MCU: variants seen among roughly 807,000 people sequenced by gnomAD.
The protein encoded by MCU is mitochondrial calcium uniporter.
A neutral mutation model predicts 45.2 loss-of-function variants in MCU; 12 were observed. That is an observed-to-expected ratio of 0.27 (90% CI 0.17 to 0.43). The LOEUF (loss-of-function observed/expected upper bound fraction) is 0.43, where lower values mean the gene tolerates loss of function less well. Among genes scored for constraint, MCU ranks in the 20% least tolerant of loss-of-function variants. The pLI is 1.00. For synonymous variants in MCU, 160 were observed against 165.1 expected (o/e 0.97, Z 0.24); for missense variants, 324 against 436.7 (o/e 0.74, Z 2.30).
chr10:72,716,477 A>G (rs765922479), intron 1 of MCU, among the ~76,000 whole-genome samples: 4 of 152,070 alleles, frequency 2.6e-5, no homozygotes, highest in African/African-American at 7.2e-5. Flanking sequence ...TCTTTCATTC[A>G]TTTATTCTCT....
intron 5 of MCU, among the ~76,000 whole-genome samples, 173 bp from the exon 6 acceptor site, chr10:72,871,204 A>C (rs1845537637): frequency 6.6e-6 from 1 of 152,196 alleles, no homozygotes; most frequent in South Asian, 2.1e-4. Context: ...CTGGCCTAAG[A>C]TATTTTATTC....
chr10:72,750,835 A>G (rs1843483649), intron 1 of MCU, among the ~76,000 whole-genome samples: 1 of 152,088 alleles, frequency 6.6e-6, no homozygotes, highest in Non-Finnish European at 1.5e-5. Flanking sequence ...TTCTGTTTCT[A>G]TACTTTTGCC....
intron 1 of MCU, among the ~76,000 whole-genome samples, chr10:72,732,117 A>T (rs991933050): frequency 3.3e-5 from 5 of 152,056 alleles, no homozygotes; most frequent in African/African-American, 1.2e-4. Flanking sequence ...GCACTTGTTC[A>T]TGTCTTTTTT....
At chr10:72,799,816 G>A (rs1764844167) in intron 1 of MCU, among the ~76,000 whole-genome samples, 1 of 151,566 alleles carries the variant, frequency 6.6e-6, no homozygotes. Flanking sequence ...CTTATTTTAC[G>A]AATTACCTAT....
At chr10:72,717,484 C>T (rs1435136433) in intron 1 of MCU, among the ~76,000 whole-genome samples, 1 of 152,086 alleles carries the variant, frequency 6.6e-6, no homozygotes, top group Admixed American at 6.6e-5. Context: ...GTCTCAAACT[C>T]CTGACCTCAG....
chr10:72,812,772 T>C (rs1844565052), intron 1 of MCU, among the ~76,000 whole-genome samples: 2 of 152,220 alleles, frequency 1.3e-5, no homozygotes, highest in African/African-American at 4.8e-5. Context: ...TTCAAACCAT[T>C]ACTGCTTTAT....
intron 6 of MCU, among the ~76,000 whole-genome samples, chr10:72,883,558 A>G (rs1011452471): frequency 2.6e-5 from 4 of 152,186 alleles, no homozygotes; most frequent in Non-Finnish European, 4.4e-5. Context: ...ATCACTGCTT[A>G]CATTTGAACA....
intron 1 of MCU, among the ~76,000 whole-genome samples, chr10:72,741,057 A>G (rs1198835680): frequency 1.3e-5 from 2 of 150,950 alleles, no homozygotes; most frequent in South Asian, 2.1e-4. Flanking sequence ...ATAGTTAATG[A>G]GTTTATAATT....
At chr10:72,817,675 C>T (rs924012145) in intron 1 of MCU, among the ~76,000 whole-genome samples, 1 of 152,190 alleles carries the variant, frequency 6.6e-6, no homozygotes, top group Non-Finnish European at 1.5e-5. Context: ...GACTCAAACT[C>T]TTAGGCTCAA....
intron 6 of MCU, among the ~76,000 whole-genome samples, chr10:72,882,508 G>GT (rs946565813): frequency 2.0e-5 from 3 of 152,126 alleles, no homozygotes; most frequent in African/African-American, 7.2e-5. Context: ...CCCCTTGGGT[G>GT]TGGCCGTCTT....
intron 1 of MCU, among the ~76,000 whole-genome samples, chr10:72,771,795 A>G (rs540184826): frequency 2.0e-5 from 3 of 152,134 alleles, no homozygotes; most frequent in East Asian, 1.9e-4. Context: ...TTCATTAGCT[A>G]TTTGTCCTAA....
At chr10:72,847,564 A>C (rs1268645607) in intron 2 of MCU, among the ~76,000 whole-genome samples, 1 of 152,210 alleles carries the variant, frequency 6.6e-6, no homozygotes, top group Non-Finnish European at 1.5e-5. Context: ...CTGGGTATTC[A>C]CTGAGAGTCT....
chr10:72,748,840 A>G (rs1199993373), intron 1 of MCU, among the ~76,000 whole-genome samples: 1 of 152,240 alleles, frequency 6.6e-6, no homozygotes, highest in Non-Finnish European at 1.5e-5. Context: ...TATTACTTTA[A>G]GGAAACAGGT....
intron 1 of MCU, among the ~76,000 whole-genome samples, chr10:72,827,193 G>A (rs1381311558): frequency 6.6e-6 from 1 of 152,148 alleles, no homozygotes; most frequent in East Asian, 1.9e-4. Flanking sequence ...ATGCTGCTTT[G>A]AATTGCATAA....
chr10:72,853,000 T>C (rs955900018), intron 2 of MCU, among the ~76,000 whole-genome samples: 1 of 152,208 alleles, frequency 6.6e-6, no homozygotes, highest in Non-Finnish European at 1.5e-5. Flanking sequence ...TAAAGGATTC[T>C]CTAGATCTGT....
chr10:72,699,709 A>C (rs2132647113), intron 1 of MCU, among the ~76,000 whole-genome samples: 1 of 150,536 alleles, frequency 6.6e-6, no homozygotes. Context: ...CTGCTGCCCC[A>C]GCCTCCTGAG....
chr10:72,837,216 A>G (rs1454570530), intron 2 of MCU, among the ~76,000 whole-genome samples: 3 of 151,492 alleles, frequency 2.0e-5, no homozygotes, highest in Non-Finnish European at 1.5e-5. Flanking sequence ...TTGGTATCGT[A>G]AATACTTATG....
chr10:72,779,485 T>TA (rs930361710), intron 1 of MCU, among the ~76,000 whole-genome samples: 14 of 152,082 alleles, frequency 9.2e-5, no homozygotes, highest in Admixed American at 1.3e-4. Flanking sequence ...ATTAAGGAAG[T>TA]AAAAAAACAA....
At position 72,884,141 on chromosome 10, in the gene MCU, AATACTTAACACAGCACATGTCAGC is replaced by A. The variant is rs369453750; in HGVS notation, c.862-123_862-100del. 140 of 642,244 alleles carry A rather than the reference AATACTTAACACAGCACATGTCAGC, an allele frequency of 2.2e-4. No individual in the cohort carries two copies. The African/African-American group carries it at 2.3e-3, about 10-fold the overall frequency. 39.8% of individuals were successfully genotyped at this position (642,244 alleles called of 1,614,324 possible). On this transcript the variant is annotated intron_variant, in intron 6 of 7. Coordinates refer to ENST00000373053, the MANE Select transcript of MCU (RefSeq NM_138357.3). ...AGTAGAAATGTTCAGGTGGTGATTA[AATACTTAACACAGCACATGTCAGC>A]ACACACGCATACATATGTATTGAAT...
Sources: allele counts gnomAD v4.1 joint callset (sites outside exome capture counted in the v4.1 genomes callset), GRCh38; gene constraint gnomAD v4.1.1; transcripts MANE v1.5; gene names NCBI Gene and HGNC (gene_info 2026-07-23, HGNC 2026-07-21).